The following FNDC3B variants were observed in gnomAD, a reference collection of about 807,000 sequenced individuals.
FNDC3B encodes fibronectin type III domain containing 3B, also known as fibronectin type III domain-containing protein 3B.
Under a neutral mutation model 151.5 loss-of-function variants are expected in FNDC3B, and 12 were observed. The ratio of observed to expected loss-of-function variants is 0.08; its 90% CI spans 0.05 to 0.13. The LOEUF is 0.13. Ranked by LOEUF, FNDC3B falls within the 10% of genes least tolerant of loss-of-function variation. FNDC3B has a pLI of 1.00. For synonymous variants in FNDC3B, 528 were observed against 549.0 expected, an observed-to-expected ratio of 0.96 and a Z score of 0.54; for missense variants, 1,214 against 1,505.3, an observed-to-expected ratio of 0.81 and a Z score of 3.20.
chr3:172,142,401 A>G (rs1351585688), intron 3 of FNDC3B, among the ~76,000 whole-genome samples: 4 of 152,236 alleles, frequency 2.6e-5, no homozygotes, highest in African/African-American at 9.6e-5. Flanking sequence ...TTGTTAAACA[A>G]TGATTAAAAT....
chr3:172,320,200 T>C (rs572652290), intron 11 of FNDC3B, among the ~76,000 whole-genome samples: 1 of 151,980 alleles, frequency 6.6e-6, no homozygotes, highest in South Asian at 2.1e-4. Context: ...ACCAACATGG[T>C]GAAACCCTGT....
At chr3:172,182,205 A>G (rs529014665) in intron 3 of FNDC3B, among the ~76,000 whole-genome samples, 12 of 152,244 alleles carry the variant, frequency 7.9e-5, no homozygotes, top group Non-Finnish European at 1.8e-4. Context: ...CAGCAAGTGA[A>G]GGCTGGGCTC....
At chr3:172,262,176 T>G (rs562814277) in intron 6 of FNDC3B, among the ~76,000 whole-genome samples, 180 of 152,236 alleles carry the variant, frequency 1.2e-3, no homozygotes, top group African/African-American at 4.0e-3. Context: ...GGGAAAAAAA[T>G]GGGCAGAAAA....
chr3:172,161,504 A>G (rs1722770100), intron 3 of FNDC3B, among the ~76,000 whole-genome samples: 1 of 152,230 alleles, frequency 6.6e-6, no homozygotes, highest in Non-Finnish European at 1.5e-5. Flanking sequence ...CCTATTGATT[A>G]CCAGACCAAG....
intron 23 of FNDC3B, among the ~76,000 whole-genome samples, chr3:172,369,761 G>A (rs908130575): frequency 1.3e-5 from 2 of 152,160 alleles, no homozygotes; most frequent in Non-Finnish European, 2.9e-5. Flanking sequence ...TGCCTCAGGT[G>A]TCCCCACATG....
chr3:172,160,960 A>C (rs755354697), intron 3 of FNDC3B, among the ~76,000 whole-genome samples: 8 of 152,250 alleles, frequency 5.3e-5, no homozygotes, highest in Non-Finnish European at 8.8e-5. Context: ...ATTCAAAAGA[A>C]ATAAAAGAGA....
chr3:172,195,226 T>C (rs1405262040), intron 3 of FNDC3B, among the ~76,000 whole-genome samples: 2 of 152,284 alleles, frequency 1.3e-5, no homozygotes, highest in Admixed American at 6.5e-5. Context: ...CATTCCATTT[T>C]TGTTTGCTTA....
chr3:172,107,640 G>C (rs1351454736), intron 1 of FNDC3B, among the ~76,000 whole-genome samples: 1 of 152,158 alleles, frequency 6.6e-6, no homozygotes, highest in Non-Finnish European at 1.5e-5. Flanking sequence ...ATGAAAATGA[G>C]TTACAGTGCG....
At chr3:172,258,282 C>T (rs934894698) in intron 6 of FNDC3B, among the ~76,000 whole-genome samples, 4 of 152,078 alleles carry the variant, frequency 2.6e-5, no homozygotes, top group African/African-American at 4.8e-5. Context: ...GTTATGATAC[C>T]GAAAGCCAGT....
intron 1 of FNDC3B, among the ~76,000 whole-genome samples, chr3:172,042,239 C>A (rs1716122410): frequency 6.6e-6 from 1 of 152,198 alleles, no homozygotes; most frequent in East Asian, 1.9e-4. Context: ...TAGCTCACAT[C>A]AGACGATGGG....
At chr3:172,213,078 G>T (rs577485676) in intron 3 of FNDC3B, among the ~76,000 whole-genome samples, 2 of 152,030 alleles carry the variant, frequency 1.3e-5, no homozygotes, top group Admixed American at 1.3e-4. Flanking sequence ...TCCATGTTAG[G>T]TATCTGTCTG....
At chr3:172,160,868 T>C (rs1375764286) in intron 3 of FNDC3B, among the ~76,000 whole-genome samples, 2 of 152,222 alleles carry the variant, frequency 1.3e-5, no homozygotes, top group Non-Finnish European at 2.9e-5. Flanking sequence ...TGGATTTTAT[T>C]TTATTTTTTT....
chr3:172,381,333 T>G (rs1038751285), intron 25 of FNDC3B, among the ~76,000 whole-genome samples: 2 of 152,248 alleles, frequency 1.3e-5, no homozygotes, highest in Non-Finnish European at 2.9e-5. Flanking sequence ...CTTAAAGAGT[T>G]GTAAATCGTT....
At chr3:172,072,810 A>G (rs796478348) in intron 1 of FNDC3B, among the ~76,000 whole-genome samples, 1 of 152,244 alleles carries the variant, frequency 6.6e-6, no homozygotes, top group Non-Finnish European at 1.5e-5. Context: ...AAAATACATC[A>G]AGAAAACTCA....
intron 25 of FNDC3B, among the ~76,000 whole-genome samples, chr3:172,386,299 A>G (rs1735702085): frequency 6.6e-6 from 1 of 152,242 alleles, no homozygotes; most frequent in Non-Finnish European, 1.5e-5. Flanking sequence ...TCATATTCCT[A>G]TTCAGGCAGC....
At chr3:172,154,811 T>C (rs905925021) in intron 3 of FNDC3B, among the ~76,000 whole-genome samples, 7 of 152,076 alleles carry the variant, frequency 4.6e-5, no homozygotes, top group African/African-American at 1.7e-4. Flanking sequence ...GAATAAAAGT[T>C]TTATAACTTT....
At chr3:172,095,930 A>G (rs563976283) in intron 1 of FNDC3B, among the ~76,000 whole-genome samples, 1 of 152,352 alleles carries the variant, frequency 6.6e-6, no homozygotes, top group South Asian at 2.1e-4. Context: ...ATTGATTTCT[A>G]CAGCATTTAA....
intron 2 of FNDC3B, among the ~76,000 whole-genome samples, chr3:172,115,924 G>A (rs925051456): frequency 6.6e-6 from 1 of 152,216 alleles, no homozygotes; most frequent in Non-Finnish European, 1.5e-5. Flanking sequence ...AGAAAGCTCT[G>A]CAGTTCCCAC....
At chr3:172,166,652 G>T (rs1723018175) in intron 3 of FNDC3B, among the ~76,000 whole-genome samples, 1 of 152,172 alleles carries the variant, frequency 6.6e-6, no homozygotes, top group African/African-American at 2.4e-5. Flanking sequence ...CTACTCAGGA[G>T]GCTAAGGTGG....
Sources: allele counts gnomAD v4.1 joint callset (sites outside exome capture counted in the v4.1 genomes callset), GRCh38; gene constraint gnomAD v4.1.1; transcripts MANE v1.5; gene names NCBI Gene and HGNC (gene_info 2026-07-23, HGNC 2026-07-21).